The following ARHGAP32 variants were observed in gnomAD, a reference collection of about 807,000 sequenced individuals.
ARHGAP32 encodes the protein Rho GTPase activating protein 32, also known as rho GTPase-activating protein 32.
ARHGAP32 carries 51 observed loss-of-function variants against 186.5 expected under a neutral mutation model. The observed-to-expected ratio is 0.27, with a 90% confidence interval of 0.22 to 0.35. ARHGAP32 has a LOEUF of 0.35. ARHGAP32 is among the 10% of genes least tolerant of loss of function. The pLI is 1.00. For missense variants in ARHGAP32, 2,186 were observed against 2,623.5 expected, an observed-to-expected ratio of 0.83 and a Z score of 3.64; for synonymous variants, 950 against 964.3, an observed-to-expected ratio of 0.99 and a Z score of 0.27.
intron 1 of ARHGAP32, among the ~76,000 whole-genome samples, chr11:129,244,060 T>C (rs1467987376): frequency 1.3e-5 from 2 of 152,188 alleles, no homozygotes; most frequent in African/African-American, 2.4e-5. Context: ...TGTGCATCAA[T>C]AATAAAATAC....
chr11:129,276,925 C>A, intron 1 of ARHGAP32, among the ~76,000 whole-genome samples: 1 of 152,172 alleles, frequency 6.6e-6, no homozygotes, highest in Admixed American at 6.5e-5. Flanking sequence ...AACTTCAAGT[C>A]CTTGCTGCCT....
In ARHGAP32 at chr11:129,208,602, T is replaced by C. The variant is rs554600303; in HGVS notation, c.-4-44175A>G. On this transcript the variant is annotated intron_variant, in intron 1 of 6. Transcript: ENST00000525234. ...AATGGAAAAGACAATTAATCATGCA[T>C]TGCTTGTTTGGCCACCTTCAAACAA... Among the ~76,000 whole-genome samples, 342 of 151,902 alleles carry C rather than the reference T, an allele frequency of 2.3e-3. 1 individual carries two copies. Among genetic ancestry groups the C allele is most frequent in the African/African-American group, 7.7e-3 (319 of 41,474 alleles).
intron 10 of ARHGAP32, among the ~76,000 whole-genome samples, chr11:129,053,089 A>G (rs923888112): frequency 3.9e-5 from 6 of 152,102 alleles, no homozygotes; most frequent in Non-Finnish European, 5.9e-5. Flanking sequence ...AAAAAAAGAA[A>G]AAAACTAAAA....
At chr11:129,091,658 C>G (rs1285741768) in intron 6 of ARHGAP32, among the ~76,000 whole-genome samples, 3 of 152,164 alleles carry the variant, frequency 2.0e-5, no homozygotes, top group Non-Finnish European at 4.4e-5. Context: ...CAGATTACAT[C>G]AGTGTATAAT....
rs933275421 is a variant in ARHGAP32 at position 128,968,330 on chromosome 11, T to C, written c.*577A>G. 2 of 152,202 alleles carry C rather than the reference T, an allele frequency of 1.3e-5. No individual in the cohort carries two copies. The highest frequency in any genetic ancestry group is 1.3e-4 in the Admixed American group (2 of 15,278). The allele number at this position is 152,202 out of a possible 1,614,324, so 9.4% of individuals were successfully genotyped here. A position where few individuals can be genotyped will look rare whatever the true frequency, so the allele number is the denominator to read the frequency against. ...TAAAGTCTTAATTTCTTATTTTTAA[T>C]TATAATGTTGCCAACTGTCTGACTG... On this transcript the variant is annotated 3_prime_UTR_variant, in exon 23 of 23. Transcript: ENST00000682385.
intron 1 of ARHGAP32, among the ~76,000 whole-genome samples, chr11:129,181,383 G>GC: frequency 6.6e-6 from 1 of 152,114 alleles, no homozygotes; most frequent in East Asian, 1.9e-4. Context: ...TATGTCCGAA[G>GC]TGCTCAGTTT....
At chr11:129,211,798 T>A (rs1170629663) in intron 1 of ARHGAP32, among the ~76,000 whole-genome samples, 1 of 152,140 alleles carries the variant, frequency 6.6e-6, no homozygotes, top group African/African-American at 2.4e-5. Flanking sequence ...GCCCCAAAAA[T>A]ATGCTTTTAC....
intron 22 of ARHGAP32, chr11:128,971,766 A>G (rs570556472): frequency 1.3e-5 from 2 of 152,506 alleles, no homozygotes; most frequent in African/African-American, 4.8e-5. Flanking sequence ...AAGGTCTAAA[A>G]TCTTAAGTCC....
At chr11:128,975,947 G>A (rs1262430036) in intron 20 of ARHGAP32, among the ~76,000 whole-genome samples, 7 of 152,042 alleles carry the variant, frequency 4.6e-5, no homozygotes, top group South Asian at 2.1e-4. Flanking sequence ...GCATGGTGGC[G>A]CATGCCTGTA....
intron 5 of ARHGAP32, among the ~76,000 whole-genome samples, chr11:129,097,167 G>C (rs1941753853): frequency 6.6e-6 from 1 of 151,876 alleles, no homozygotes; most frequent in Non-Finnish European, 1.5e-5. Context: ...ACCTTTCAAA[G>C]GAAAAAATGA....
intron 2 of ARHGAP32, among the ~76,000 whole-genome samples, chr11:129,138,702 C>A (rs745967233): frequency 3.9e-5 from 6 of 152,178 alleles, no homozygotes; most frequent in Non-Finnish European, 8.8e-5. Flanking sequence ...ACAAGCCCAT[C>A]CTCTCCATAT....
At chr11:129,140,030 A>C (rs549096519) in intron 2 of ARHGAP32, among the ~76,000 whole-genome samples, 15 of 152,164 alleles carry the variant, frequency 9.9e-5, no homozygotes, top group Non-Finnish European at 1.9e-4. Context: ...TTAAAATATA[A>C]AAATTATCTG....
intron 1 of ARHGAP32, among the ~76,000 whole-genome samples, chr11:129,254,142 G>C (rs1945224097): frequency 6.6e-6 from 1 of 151,890 alleles, no homozygotes; most frequent in African/African-American, 2.4e-5. Context: ...CTACGCCCTT[G>C]TAACTCACCA....
At chr11:129,240,387 T>G (rs1365736548) in intron 1 of ARHGAP32, among the ~76,000 whole-genome samples, 1 of 152,150 alleles carries the variant, frequency 6.6e-6, no homozygotes, top group East Asian at 1.9e-4. Flanking sequence ...AGTAGTTTTC[T>G]GCCTCTGTAA....
At chr11:129,078,143 C>T (rs504025) in intron 6 of ARHGAP32, among the ~76,000 whole-genome samples, 2 of 152,060 alleles carry the variant, frequency 1.3e-5, no homozygotes, top group African/African-American at 4.8e-5. Context: ...TCACATCAGA[C>T]ACTCCCCAGC....
At chr11:129,232,101 T>G (rs1477868674) in intron 1 of ARHGAP32, among the ~76,000 whole-genome samples, 1 of 151,436 alleles carries the variant, frequency 6.6e-6, no homozygotes, top group African/African-American at 2.4e-5. Flanking sequence ...CTGTTCCCAT[T>G]TCTTCCTTCC....
At chr11:129,022,703 C>G (rs1012347608) in intron 11 of ARHGAP32, among the ~76,000 whole-genome samples, 2 of 152,062 alleles carry the variant, frequency 1.3e-5, no homozygotes, top group African/African-American at 4.8e-5. Flanking sequence ...CATCTGAAAA[C>G]TTTGAGAATC....
At chr11:129,256,064 CAA>C (rs1945250520) in intron 1 of ARHGAP32, among the ~76,000 whole-genome samples, 1 of 151,948 alleles carries the variant, frequency 6.6e-6, no homozygotes, top group Admixed American at 6.6e-5. Context: ...CAATGCTGAG[CAA>C]AAGACACCAG....
In ARHGAP32 at chr11:129,128,785, G is replaced by C. The variant is rs368483957; in HGVS notation, c.226-3891C>G. On this transcript the variant is annotated intron_variant, in intron 2 of 22. Transcript: ENST00000682385. ...TTTTTGGTGGAGACGGGGTTTCGCC[G>C]TGTTGGCCGGGCTGGTCTCCAGCTC... Among the ~76,000 whole-genome samples the C allele has an allele frequency of 4.1e-4, 62 of 152,328 alleles. No individual in the cohort carries two copies. The East Asian group carries it at 0.011, about 27-fold the overall frequency.
Sources: gnomAD v4.1 joint callset for allele counts (sites outside exome capture counted in the v4.1 genomes callset) on GRCh38, gnomAD v4.1.1 for gene constraint, MANE v1.5 for transcripts, NCBI Gene and HGNC (gene_info 2026-07-23, HGNC 2026-07-21) for gene names.